The following ACTN2 variants were observed in gnomAD, a reference collection of about 807,000 sequenced individuals.
The protein encoded by ACTN2 is alpha-actinin-2.
ACTN2 carries 39 observed loss-of-function variants against 113.8 expected under a neutral mutation model. The ratio of observed to expected loss-of-function variants is 0.34; its 90% CI spans 0.27 to 0.45. The LOEUF (loss-of-function observed/expected upper bound fraction) is 0.45, where lower values mean the gene tolerates loss of function less well. Among genes scored for constraint, ACTN2 ranks in the 20% least tolerant of loss-of-function variants. The pLI, the probability that ACTN2 is intolerant of heterozygous loss-of-function variation, is 1.00. For missense variants in ACTN2, 992 were observed against 1,177.9 expected, an observed-to-expected ratio of 0.84 and a Z score of 2.31; for synonymous variants, 429 against 444.1, an observed-to-expected ratio of 0.97 and a Z score of 0.43.
intron 1 of ACTN2, among the ~76,000 whole-genome samples, chr1:236,691,228 C>T (rs1176247769): frequency 6.7e-6 from 1 of 149,892 alleles, no homozygotes; most frequent in Admixed American, 6.6e-5. Flanking sequence ...CAGGCGTGAG[C>T]CACTGCACCC....
At position 236,734,485 on chromosome 1, in the gene ACTN2, C is replaced by T. The variant is rs745371820; in HGVS notation, c.698-1150C>T. On this transcript the variant is annotated intron_variant, in intron 7 of 20. Transcript: ENST00000366578. ...AAAGAGCCATAATGACTTATGTTTC[C>T]TGTTACTATCATGCTTTTGCTGGTG... The T allele has an allele frequency of 2.6e-6, 4 of 1,535,710 alleles. No homozygotes were observed. In the Middle Eastern group the frequency reaches 6.7e-4, roughly 256 times the overall value.
At chr1:236,721,022 G>GTTTTTTTTT (rs869077774) in intron 4 of ACTN2, among the ~76,000 whole-genome samples, 31 of 66,470 alleles carry the variant, frequency 4.7e-4, no homozygotes, top group East Asian at 8.6e-4. Context: ...TTTGTTTTTT[G>GTTTTTTTTT]TTTTTTTTTT....
intron 1 of ACTN2, among the ~76,000 whole-genome samples, chr1:236,703,095 G>A (rs1410003690): frequency 2.0e-5 from 3 of 152,162 alleles, no homozygotes; most frequent in Non-Finnish European, 4.4e-5. Context: ...TACAATAAAT[G>A]CTGCTGCTGC....
intron 13 of ACTN2, chr1:236,747,980 G>A (rs1378016742): frequency 9.0e-6 from 5 of 555,780 alleles, no homozygotes; most frequent in Non-Finnish European, 1.6e-5. Context: ...CAGCAGCGAA[G>A]TATATTTTTC....
chr1:236,737,763 G>A (rs1658935783), intron 9 of ACTN2, among the ~76,000 whole-genome samples: 1 of 152,154 alleles, frequency 6.6e-6, no homozygotes, highest in Admixed American at 6.5e-5. Context: ...TTTCTGTGGT[G>A]CCTTTCCAGA....
intron 5 of ACTN2, among the ~76,000 whole-genome samples, chr1:236,727,258 T>A (rs1338815272): frequency 4.6e-5 from 7 of 152,082 alleles, no homozygotes; most frequent in South Asian, 2.1e-4. Context: ...CTAAAAACTT[T>A]TAGAGGAAGT....
At chr1:236,704,318 C>T (rs1320266131) in intron 1 of ACTN2, among the ~76,000 whole-genome samples, 1 of 152,190 alleles carries the variant, frequency 6.6e-6, no homozygotes, top group Non-Finnish European at 1.5e-5. Context: ...ACTTCTGTGA[C>T]CAAATGTGTG....
chr1:236,726,100 G>A lies in ACTN2; in HGVS notation c.536+80G>A, dbSNP rs182759945. On this transcript the variant is annotated intron_variant, in intron 5 of 20. Coordinates refer to ENST00000366578, the MANE Select transcript of ACTN2 (RefSeq NM_001103.4). ...TGGGGAACAGTGTTTGTGTGCACCC[G>A]TGTTTTCCTCCTGTCTGAGAAGCCT... 64 of 1,291,830 alleles carry A rather than the reference G, an allele frequency of 5.0e-5. No individual in the cohort carries two copies. In the East Asian group the frequency reaches 1.3e-3, roughly 26 times the overall value. The allele number at this position is 1,291,830 out of a possible 1,614,324, so 80.0% of individuals were successfully genotyped here.
At chr1:236,746,764 A>G (rs1277353328) in intron 12 of ACTN2, among the ~76,000 whole-genome samples, 1 of 152,130 alleles carries the variant, frequency 6.6e-6, no homozygotes, top group Non-Finnish European at 1.5e-5. Flanking sequence ...GGTAGAATGC[A>G]TAGATGGATC....
intron 1 of ACTN2, among the ~76,000 whole-genome samples, chr1:236,715,921 A>G (rs1658192016): frequency 6.6e-6 from 1 of 152,140 alleles, no homozygotes; most frequent in Non-Finnish European, 1.5e-5. Flanking sequence ...ATGCCACTGC[A>G]CTCCAGCCTG....
Position 236,731,255 on chromosome 1 carries a change from A to T in ACTN2, c.638A>T (p.Asn213Ile). The change falls in exon 7 of 21, where the codon AAC becomes ATC. Residue 213 changes from asparagine to isoleucine, a missense_variant. Coordinates refer to ENST00000366578, the MANE Select transcript of ACTN2 (RefSeq NM_001103.4). ...CAGGATGACCCCATAGGAAATATTA[A>T]CCTGGCCATGGAAATCGCTGAGAAG... The part of the protein sequence containing the change: ...LNKDDPIGNI[N>I]LAMEIAEKHL... The T allele has an allele frequency of 1.2e-6, 2 of 1,613,762 alleles. No homozygotes were observed. Among genetic ancestry groups the T allele is most frequent in the Non-Finnish European group, 1.7e-6 (2 of 1,179,658 alleles).
At chr1:236,715,067 A>G (rs973952743) in intron 1 of ACTN2, among the ~76,000 whole-genome samples, 3 of 152,140 alleles carry the variant, frequency 2.0e-5, no homozygotes, top group Non-Finnish European at 2.9e-5. Context: ...TTCATTCCTT[A>G]TGGGGTAGGG....
intron 7 of ACTN2, 39 bp downstream of exon 7, chr1:236,731,353 T>C: frequency 6.6e-7 from 1 of 1,519,546 alleles, no homozygotes; most frequent in Non-Finnish European, 9.1e-7. Flanking sequence ...ACAGGAAATT[T>C]GAAGACTACA....
At chr1:236,693,656 C>T (rs1322456449) in intron 1 of ACTN2, among the ~76,000 whole-genome samples, 1 of 152,188 alleles carries the variant, frequency 6.6e-6, no homozygotes. Flanking sequence ...CCTGCCTCTT[C>T]CCCTCCCTGT....
intron 7 of ACTN2, among the ~76,000 whole-genome samples, chr1:236,731,557 G>T (rs963230056): frequency 6.6e-6 from 1 of 152,152 alleles, no homozygotes; most frequent in African/African-American, 2.4e-5. Context: ...AAAGGATTTG[G>T]TAAAAAGTTC....
chr1:236,759,243 G>A (rs1466183157), intron 18 of ACTN2, among the ~76,000 whole-genome samples: 3 of 152,248 alleles, frequency 2.0e-5, no homozygotes, highest in East Asian at 1.9e-4. Context: ...ATGATGGATC[G>A]TCATCCCTGT....
In ACTN2 at chr1:236,692,488, C is replaced by G. The variant is rs574280317; in HGVS notation, c.126+5689C>G. Among the ~76,000 whole-genome samples the G allele has an allele frequency of 3.3e-5, 5 of 152,206 alleles. No homozygotes were observed. The South Asian group carries it at 1.0e-3, about 32-fold the overall frequency. Reference sequence around the variant, plus strand: ...AAATCCGGTGTCCATGTGGCCATTGCTGGGAGGGAGAGGTGGAATTGTAGA... The same window carrying G: ...AAATCCGGTGTCCATGTGGCCATTGGTGGGAGGGAGAGGTGGAATTGTAGA... On this transcript the variant is annotated intron_variant, in intron 1 of 20. Coordinates refer to ENST00000366578, the MANE Select transcript of ACTN2 (RefSeq NM_001103.4).
chr1:236,762,659 T>C lies in ACTN2; in HGVS notation c.*40T>C. 6.2e-7 allele frequency: 1 copy of C among 1,605,018 alleles called. No homozygotes were observed. Reference sequence around the variant, plus strand: ...AATCACTCATCCCATCAGAATGCAATAAAAGCGGAAGTCACAGTTTGTTTC... The same window carrying C: ...AATCACTCATCCCATCAGAATGCAACAAAAGCGGAAGTCACAGTTTGTTTC... On this transcript the variant is annotated 3_prime_UTR_variant, in exon 21 of 21. Coordinates refer to ENST00000366578, the MANE Select transcript of ACTN2 (RefSeq NM_001103.4).
intron 20 of ACTN2, 23 bp from the exon 21 acceptor site, chr1:236,762,438 A>C: frequency 6.2e-7 from 1 of 1,613,896 alleles, no homozygotes; most frequent in East Asian, 2.2e-5. Flanking sequence ...ACTGACTGCA[A>C]ACACGTGTGT....
Sources: allele counts gnomAD v4.1 joint callset (sites outside exome capture counted in the v4.1 genomes callset), GRCh38; gene constraint gnomAD v4.1.1; transcripts MANE v1.5; gene names NCBI Gene and HGNC (gene_info 2026-07-23, HGNC 2026-07-21).